PCNX3: variants seen among roughly 807,000 people sequenced by gnomAD.
PCNX3 encodes the protein pecanex-like protein 3.
A neutral mutation model predicts 207.2 loss-of-function variants in PCNX3; 58 were observed. That is an observed-to-expected ratio of 0.28 (90% CI 0.23 to 0.35). PCNX3 has a LOEUF of 0.35. Among genes scored for constraint, PCNX3 ranks in the 10% least tolerant of loss-of-function variants. PCNX3 has a pLI of 1.00. For missense variants in PCNX3, 2,410 were observed against 2,774.4 expected (o/e 0.87, Z 2.95); for synonymous variants, 1,337 against 1,183.5 (o/e 1.13, Z -2.66).
Position 65,630,334 on chromosome 11 carries a change from A to G in PCNX3, c.4217-17A>G. The stretch of plus-strand genomic sequence containing the variant: ...GATTGTTCTAGCAGCCCCTGACTGC[A>G]CACCCCTCCTCCACAGGCACTTACT... On this transcript the variant is annotated splice_polypyrimidine_tract_variant and intron_variant, in intron 26 of 34. Coordinates refer to ENST00000355703, the MANE Select transcript of PCNX3 (RefSeq NM_032223.4). 1 of 1,611,332 alleles carries G rather than the reference A, an allele frequency of 6.2e-7. No homozygotes were observed. The highest frequency in any genetic ancestry group is 1.1e-5 in the South Asian group (1 of 90,992).
chr11:65,621,915 AAGTGGACTTC>A (rs2135424979), intron 10 of PCNX3, among the ~76,000 whole-genome samples: 1 of 152,312 alleles, frequency 6.6e-6, no homozygotes, highest in South Asian at 2.1e-4. Flanking sequence ...CCCAAAGGAC[AAGTGGACTTC>A]CTTGAGCTTC....
chr11:65,616,549 G>A (rs1353296685), intron 1 of PCNX3, 85 bp downstream of exon 1: 38 of 1,420,660 alleles, frequency 2.7e-5, no homozygotes, highest in Non-Finnish European at 3.5e-5. Flanking sequence ...TGGGCTCTGG[G>A]ACGTGGAGAG....
intron 26 of PCNX3, 116 bp from the exon 27 acceptor site, chr11:65,630,235 T>G: frequency 1.4e-6 from 2 of 1,418,710 alleles, no homozygotes. Flanking sequence ...TTGACTCCCC[T>G]GGCGTCCAAG....
Position 65,616,883 on chromosome 11 carries a change from T to C in PCNX3, c.213T>C (p.Phe71=), listed in dbSNP as rs1565150736. ...ACTGCCTCGTGGTGGCTGTCATCTTTGCTACTATCAAGACTGTCAATTATC... is the reference window on the plus strand; with the variant it reads ...ACTGCCTCGTGGTGGCTGTCATCTTCGCTACTATCAAGACTGTCAATTATC... ...GVYCLVVAVI[F]ATIKTVNYRL... is the part of the protein sequence containing the mutation. The change falls in exon 2 of 35, where the codon TTT becomes TTC. Residue 71 remains phenylalanine (F), a synonymous_variant. Transcript: ENST00000355703. 1.9e-6 allele frequency: 3 copies of C among 1,613,574 alleles called. No individual in the cohort carries two copies. Among genetic ancestry groups the C allele is most frequent in the Non-Finnish European group, 1.7e-6 (2 of 1,179,854 alleles).
intron 20 of PCNX3, chr11:65,626,682 A>G (rs554984264): frequency 9.9e-6 from 6 of 605,416 alleles, no homozygotes; most frequent in Non-Finnish European, 1.7e-5. Context: ...CAGACAGCAG[A>G]GCAGAGCACC....
In PCNX3 at chr11:65,635,476, C is replaced by T. The variant is rs763800023; in HGVS notation, c.5184+28C>T. 4 of 1,607,314 alleles carry T rather than the reference C, an allele frequency of 2.5e-6. No individual in the cohort carries two copies. The highest frequency in any genetic ancestry group is 2.2e-5 in the South Asian group (2 of 90,806). On this transcript the variant is annotated intron_variant, in intron 31 of 34. Transcript: ENST00000355703. The surrounding 1 kb of genome is among the most constrained non-coding windows in gnomAD (Gnocchi z 9.9). ...TGGGCCGGCCCCACCTGCCCTAAGC[C>T]CTGCCCCAAACCCCCTTGGGCCGGC...
At chr11:65,634,431 G>C in intron 28 of PCNX3, 75 bp downstream of exon 28, 1 of 1,506,230 alleles carries the variant, frequency 6.6e-7, no homozygotes, top group East Asian at 2.5e-5. Flanking sequence ...CTCCCCATTT[G>C]GTTTCCTCTC....
chr11:65,619,571 C>T lies in PCNX3; in HGVS notation c.1740C>T (p.Ser580=). The T allele has an allele frequency of 6.2e-7, 1 of 1,609,590 alleles. No homozygotes were observed. The highest frequency in any genetic ancestry group is 8.5e-7 in the Non-Finnish European group (1 of 1,179,320). ...AEETGRRDRS[S]SVRRTQAIRR... ...AGACTGGCAGGCGGGACCGCTCAAG[C>T]AGTGTGAGGCGGACCCAGGCCATTC... is the stretch of plus-strand genomic sequence containing the variant. The change falls in exon 7 of 35, where the codon AGC becomes AGT. Residue 580 remains serine (S), a synonymous_variant. Coordinates refer to ENST00000355703, the MANE Select transcript of PCNX3 (RefSeq NM_032223.4).
chr11:65,620,542 C>A, intron 9 of PCNX3, 113 bp downstream of exon 9: 2 of 1,185,916 alleles, frequency 1.7e-6, no homozygotes, highest in Non-Finnish European at 2.4e-6. Context: ...AGGGGCAGCT[C>A]AGATCTGCAG....
rs114642420 is a variant in PCNX3, at chr11:65,620,647, C to T, written c.2100-184C>T. ...GTTTCTAGGAAGCCCAGGGCACAGC[C>T]TCGACACTCGTGCCAGGGTCTGGGA... On this transcript the variant is annotated intron_variant, in intron 9 of 34. Transcript: ENST00000355703. 6.8e-3 allele frequency among the ~76,000 whole-genome samples: 1,035 copies of T among 152,322 alleles called. 45 individuals are homozygous for T. The East Asian group carries it at 0.13, about 18-fold the overall frequency.
chr11:65,620,475 G>A, intron 9 of PCNX3, 46 bp downstream of exon 9: 8 of 1,590,856 alleles, frequency 5.0e-6, no homozygotes, highest in African/African-American at 1.3e-5. Flanking sequence ...TTGGTGGCCT[G>A]CATCTCTGGG....
chr11:65,627,535 C>T lies in PCNX3; in HGVS notation c.3655C>T (p.Gln1219Ter). The change falls in exon 22 of 35, where the codon CAG becomes TAG. Residue 1219 changes from glutamine to a stop codon, truncating the protein, a stop_gained. Transcript: ENST00000355703. LOFTEE classifies it high-confidence loss of function. ...CCACTTTGACTACCCGCGCCTCTCC[C>T]AGGGCTTTCTGCTTGACTACTTCCT... is the stretch of plus-strand genomic sequence containing the variant. ...LFHFDYPRLSQGFLLDYFLMS... is the reference protein window; with the variant it reads ...LFHFDYPRLS 6.2e-7 allele frequency: 1 copy of T among 1,613,840 alleles called. No homozygotes were observed. Among genetic ancestry groups the T allele is most frequent in the Non-Finnish European group, 8.5e-7 (1 of 1,179,870 alleles).
chr11:65,625,358 C>G lies in PCNX3; in HGVS notation c.3030-47C>G. The stretch of plus-strand genomic sequence containing the variant: ...CTGTGCATGTGCCCGTGACTGGGGC[C>G]GGGGGGAAGGAGGGGCGGCCTCCTC... On this transcript the variant is annotated intron_variant, in intron 17 of 34. Transcript: ENST00000355703. This position sits in a 1 kb window ranked among gnomAD's most constrained non-coding sequence, Gnocchi z 5.6. The G allele has an allele frequency of 1.3e-6, 2 of 1,593,608 alleles. No individual in the cohort carries two copies. Among genetic ancestry groups the G allele is most frequent in the South Asian group, 2.2e-5 (2 of 90,800 alleles).
chr11:65,636,488 GC>G lies in PCNX3; in HGVS notation c.5693del (p.Pro1898LeufsTer70). ...DGRPPPLLQW[P>X]PPRLPGPPPA... The stretch of plus-strand genomic sequence containing the variant: ...GGCGGCCCCCACCTCTGCTGCAGTG[GC>G]CTCCCCCTCGGCTCCCTGGACCACC... On this transcript the variant is annotated frameshift_variant, in exon 34 of 35. Transcript: ENST00000355703. LOFTEE classifies it high-confidence loss of function. The G allele has an allele frequency of 6.4e-7, 1 of 1,574,236 alleles. No homozygotes were observed. Among genetic ancestry groups the G allele is most frequent in the South Asian group, 1.2e-5 (1 of 86,792 alleles).
chr11:65,620,748 T>C (rs1855043770), intron 9 of PCNX3, 83 bp from the exon 10 acceptor site: 1 of 1,534,344 alleles, frequency 6.5e-7, no homozygotes, highest in South Asian at 1.2e-5. Flanking sequence ...CAGCCCTACC[T>C]GCCTGGCCTT....
chr11:65,628,495 G>C, intron 22 of PCNX3, 100 bp from the exon 23 acceptor site: 1 of 1,170,582 alleles, frequency 8.5e-7, no homozygotes, highest in South Asian at 1.3e-5. Context: ...CGTGGGCCAA[G>C]CCAGTGCGAT....
At position 65,625,071 on chromosome 11, in the gene PCNX3, CG is replaced by C; in HGVS notation, c.2919+59del. On this transcript the variant is annotated intron_variant, in intron 16 of 34. Coordinates refer to ENST00000355703, the MANE Select transcript of PCNX3 (RefSeq NM_032223.4). The surrounding 1 kb of genome is among the most constrained non-coding windows in gnomAD (Gnocchi z 5.6). ...CTGCAGTGCGTAAGGGTGGTTGGGG[CG>C]GGGCTGTGAACTGGGCTCAGCAGTG... 2 of 1,574,192 alleles carry C rather than the reference CG, an allele frequency of 1.3e-6. No individual in the cohort carries two copies. The highest frequency in any genetic ancestry group is 1.7e-6 in the Non-Finnish European group (2 of 1,154,420).
At chr11:65,627,185 G>A (rs1163477786) in intron 21 of PCNX3, 137 bp downstream of exon 21, 27 of 1,291,722 alleles carry the variant, frequency 2.1e-5, no homozygotes, top group South Asian at 1.6e-4. Context: ...CTCCTGACAC[G>A]CCATCCCAGG....
Position 65,615,988 on chromosome 11 carries a change from C to G in PCNX3, c.-324C>G, listed in dbSNP as rs1436155890. The G allele has an allele frequency of 5.2e-6, 1 of 193,214 alleles. No individual in the cohort carries two copies. 12.0% of individuals were successfully genotyped at this position (193,214 alleles called of 1,614,324 possible). The stretch of plus-strand genomic sequence containing the variant: ...CCCACCCCACGACCACCTCTGGATG[C>G]CGCCGACGGGTACCCGGCCCGTGCC... On this transcript the variant is annotated 5_prime_UTR_variant, in exon 1 of 35. Coordinates refer to ENST00000355703, the MANE Select transcript of PCNX3 (RefSeq NM_032223.4).
Sources: allele counts gnomAD v4.1 joint callset (sites outside exome capture counted in the v4.1 genomes callset), GRCh38; gene constraint gnomAD v4.1.1; non-coding constraint Gnocchi (gnomAD v3.1); transcripts MANE v1.5; gene names NCBI Gene and HGNC (gene_info 2026-07-23, HGNC 2026-07-21).